The following KCNMA1 variants were observed in gnomAD, a reference collection of about 807,000 sequenced individuals.
The protein encoded by KCNMA1 is potassium calcium-activated channel subfamily M alpha 1.
In KCNMA1, 29 loss-of-function variants were observed where a neutral mutation model predicts 140.0. That is an observed-to-expected ratio of 0.21 (90% CI 0.15 to 0.28). The LOEUF (loss-of-function observed/expected upper bound fraction) is 0.28, where lower values mean the gene tolerates loss of function less well. Ranked by LOEUF, KCNMA1 falls within the 10% of genes least tolerant of loss-of-function variation. The pLI, the probability that KCNMA1 is intolerant of heterozygous loss-of-function variation, is 1.00. For missense variants in KCNMA1, 880 were observed against 1,602.2 expected (o/e 0.55, Z 7.70); for synonymous variants, 612 against 611.9 (o/e 1.00, Z 0.00).
downstream of KCNMA1, chr10:76,872,855 T>C (rs1589313606): frequency 6.6e-6 from 1 of 152,254 alleles, no homozygotes; most frequent in Non-Finnish European, 1.5e-5. Context: ...TAACTCATGG[T>C]ATTTTAAAAT....
chr10:77,129,482 A>G (rs2153982339), intron 5 of KCNMA1, among the ~76,000 whole-genome samples: 1 of 152,336 alleles, frequency 6.6e-6, no homozygotes, highest in South Asian at 2.1e-4. Flanking sequence ...ATTTAAAACC[A>G]GTAATCTACC....
chr10:77,415,760 T>C (rs1486181200), intron 1 of KCNMA1, among the ~76,000 whole-genome samples: 1 of 152,214 alleles, frequency 6.6e-6, no homozygotes, highest in African/African-American at 2.4e-5. Context: ...TCTGTTCCCA[T>C]GGGTCCTGCA....
At chr10:77,439,995 C>T (rs910552068) in intron 1 of KCNMA1, among the ~76,000 whole-genome samples, 1 of 152,200 alleles carries the variant, frequency 6.6e-6, no homozygotes, top group Non-Finnish European at 1.5e-5. Context: ...AAGAGGGCTG[C>T]CTATGAAAGG....
chr10:76,948,882 G>A (rs182654150), intron 22 of KCNMA1: 131 of 536,024 alleles, frequency 2.4e-4, no homozygotes, highest in South Asian at 5.0e-4. Flanking sequence ...GTGTTTAGAC[G>A]CTGATATGGT....
At chr10:77,359,953 A>C (rs901274858) in intron 2 of KCNMA1, among the ~76,000 whole-genome samples, 8 of 152,222 alleles carry the variant, frequency 5.3e-5, no homozygotes, top group Non-Finnish European at 1.2e-4. Flanking sequence ...TGAGAGGCAA[A>C]GATGTATAAA....
intron 2 of KCNMA1, among the ~76,000 whole-genome samples, chr10:77,397,727 A>T (rs2096109028): frequency 6.6e-6 from 1 of 152,168 alleles, no homozygotes; most frequent in Admixed American, 6.5e-5. Flanking sequence ...AATAGCGTGC[A>T]TTGCAACCAT....
intron 1 of KCNMA1, among the ~76,000 whole-genome samples, chr10:77,410,952 T>C (rs2096605482): frequency 6.6e-6 from 1 of 152,238 alleles, no homozygotes; most frequent in South Asian, 2.1e-4. Context: ...TTCATCATTG[T>C]GTGCTGTCTG....
chr10:76,885,902 C>T lies in KCNMA1; in HGVS notation c.*1364G>A. The T allele has an allele frequency of 1.0e-6, 1 of 985,370 alleles. No homozygotes were observed. The highest frequency in any genetic ancestry group is 1.2e-6 in the Non-Finnish European group (1 of 829,886). The allele number at this position is 985,370 out of a possible 1,614,324, so 61.0% of individuals were successfully genotyped here. ...AAAATGTGTTTGGCTCACTGTTGCA[C>T]TCTTCTTATCCCACGTCTCATAATG... On this transcript the variant is annotated 3_prime_UTR_variant, in exon 28 of 28. Transcript: ENST00000286628.
chr10:77,516,231 C>T (rs950732897), intron 1 of KCNMA1, among the ~76,000 whole-genome samples: 3 of 152,076 alleles, frequency 2.0e-5, no homozygotes, highest in Admixed American at 6.5e-5. Context: ...TCCTCCCATC[C>T]TTCCTGGGTC....
At chr10:76,924,267 C>T (rs192709545) in intron 23 of KCNMA1, among the ~76,000 whole-genome samples, 5 of 152,062 alleles carry the variant, frequency 3.3e-5, no homozygotes, top group African/African-American at 4.8e-5. Flanking sequence ...AAACATTTCA[C>T]GACAGAAAAA....
chr10:76,958,983 G>C (rs998360348), intron 20 of KCNMA1, among the ~76,000 whole-genome samples: 2 of 151,972 alleles, frequency 1.3e-5, no homozygotes, highest in South Asian at 4.2e-4. Flanking sequence ...GTCCATTTAA[G>C]GGGGGGAAAA....
intron 24 of KCNMA1, chr10:76,914,281 A>T: frequency 1.5e-6 from 1 of 649,932 alleles, no homozygotes; most frequent in Non-Finnish European, 2.7e-6. Context: ...TTGGGGGAAG[A>T]GGCCACTCTA....
intron 1 of KCNMA1, among the ~76,000 whole-genome samples, chr10:77,525,035 A>G (rs1292040057): frequency 6.6e-6 from 1 of 152,164 alleles, no homozygotes; most frequent in African/African-American, 2.4e-5. Context: ...AAATGAGCTC[A>G]CTTTCAGTAA....
chr10:77,579,825 A>T (rs1427798363), intron 1 of KCNMA1, among the ~76,000 whole-genome samples: 1 of 152,138 alleles, frequency 6.6e-6, no homozygotes, highest in Non-Finnish European at 1.5e-5. Context: ...TGAGTCACAG[A>T]AGCTCCCCTA....
chr10:77,126,717 A>AC (rs1249928637), intron 5 of KCNMA1, among the ~76,000 whole-genome samples: 3 of 68,416 alleles, frequency 4.4e-5, no homozygotes, highest in African/African-American at 1.6e-4. Flanking sequence ...GGTGCCCCCC[A>AC]CCCCCCCACC....
intron 2 of KCNMA1, among the ~76,000 whole-genome samples, chr10:77,398,961 A>G (rs760554691): frequency 6.6e-6 from 1 of 152,250 alleles, no homozygotes; most frequent in African/African-American, 2.4e-5. Context: ...GCATACATGT[A>G]AATTCCAAAT....
intron 5 of KCNMA1, among the ~76,000 whole-genome samples, chr10:77,146,087 G>T (rs948498193): frequency 6.6e-6 from 1 of 152,162 alleles, no homozygotes; most frequent in Non-Finnish European, 1.5e-5. Flanking sequence ...AATGTGATTT[G>T]CTCTAAATCT....
chr10:77,395,615 T>G (rs887120908), intron 2 of KCNMA1, among the ~76,000 whole-genome samples: 4 of 152,226 alleles, frequency 2.6e-5, no homozygotes, highest in African/African-American at 7.2e-5. Context: ...CTGATATGCA[T>G]TGGCAATCTC....
At chr10:77,525,294 G>A (rs1239460972) in intron 1 of KCNMA1, among the ~76,000 whole-genome samples, 3 of 152,272 alleles carry the variant, frequency 2.0e-5, no homozygotes, top group Middle Eastern at 3.4e-3. Flanking sequence ...ATCTCCAGAA[G>A]AGAAAGCACA....
Sources: allele counts gnomAD v4.1 joint callset (sites outside exome capture counted in the v4.1 genomes callset), GRCh38; gene constraint gnomAD v4.1.1; transcripts MANE v1.5; gene names NCBI Gene and HGNC (gene_info 2026-07-23, HGNC 2026-07-21).